RBFOX1: variants seen among roughly 807,000 people sequenced by gnomAD.
RBFOX1 encodes RNA binding fox-1 homolog 1, also known as RNA binding protein fox-1 homolog 1.
RBFOX1 carries 8 observed loss-of-function variants against 57.7 expected under a neutral mutation model. The ratio of observed to expected loss-of-function variants is 0.14; its 90% CI spans 0.08 to 0.25. RBFOX1 has a LOEUF of 0.25. RBFOX1 is among the 10% of genes least tolerant of loss of function. The probability of loss-of-function intolerance (pLI) is 1.00; values close to 1 mark genes in which losing one functional copy is unlikely to be tolerated. For synonymous variants in RBFOX1, 326 were observed against 222.4 expected, an observed-to-expected ratio of 1.47 and a Z score of -4.15; for missense variants, 611 against 548.5, an observed-to-expected ratio of 1.11 and a Z score of -1.14.
chr16:6,560,191 AAAAGTC>A (rs1195611735), intron 2 of RBFOX1, among the ~76,000 whole-genome samples: 1 of 150,932 alleles, frequency 6.6e-6, no homozygotes, highest in Non-Finnish European at 1.5e-5. Flanking sequence ...AAAAAAAAAA[AAAAGTC>A]AAGCCCTCAT....
At chr16:5,888,615 G>A (rs951753031) in intron 4 of RBFOX1, among the ~76,000 whole-genome samples, 2 of 151,968 alleles carry the variant, frequency 1.3e-5, no homozygotes, top group Non-Finnish European at 1.5e-5. Flanking sequence ...GACCAACATG[G>A]GGAAACCTCG....
intron 2 of RBFOX1, among the ~76,000 whole-genome samples, chr16:6,451,868 C>T (rs889594954): frequency 2.0e-5 from 3 of 151,886 alleles, no homozygotes; most frequent in Middle Eastern, 3.4e-3. Flanking sequence ...ATGGCTCCTT[C>T]CTTCCATGAC....
chr16:7,092,991 T>C (rs2061113602), intron 4 of RBFOX1, among the ~76,000 whole-genome samples: 1 of 152,248 alleles, frequency 6.6e-6, no homozygotes, highest in African/African-American at 2.4e-5. Context: ...AAATTGCCTC[T>C]GGCAGTCAAA....
chr16:7,213,383 A>G, intron 4 of RBFOX1, among the ~76,000 whole-genome samples: 1 of 152,198 alleles, frequency 6.6e-6, no homozygotes, highest in East Asian at 1.9e-4. Context: ...TATTTCTTTA[A>G]GTTCCCAGTG....
intron 3 of RBFOX1, among the ~76,000 whole-genome samples, chr16:6,789,315 G>A (rs566762194): frequency 6.6e-6 from 1 of 152,278 alleles, no homozygotes. Context: ...AGTGGTATAA[G>A]ACCTTGTCTT....
intron 8 of RBFOX1, among the ~76,000 whole-genome samples, chr16:7,596,816 G>T (rs958135509): frequency 2.0e-5 from 3 of 152,152 alleles, no homozygotes; most frequent in African/African-American, 7.2e-5. Flanking sequence ...TGACGTTAAA[G>T]CTTGAATGAT....
At chr16:6,004,846 T>G (rs767819718) in intron 4 of RBFOX1, among the ~76,000 whole-genome samples, 4 of 152,190 alleles carry the variant, frequency 2.6e-5, no homozygotes, top group Non-Finnish European at 5.9e-5. Context: ...AGAAACGTAT[T>G]AGACCTTAGG....
intron 3 of RBFOX1, among the ~76,000 whole-genome samples, chr16:6,918,377 A>G (rs1216377135): frequency 6.6e-6 from 1 of 152,112 alleles, no homozygotes; most frequent in Non-Finnish European, 1.5e-5. Context: ...TGAATTTTTA[A>G]CAAGCTACCC....
intron 2 of RBFOX1, among the ~76,000 whole-genome samples, chr16:5,595,908 G>A (rs1036630020): frequency 6.6e-6 from 1 of 152,198 alleles, no homozygotes; most frequent in African/African-American, 2.4e-5. Flanking sequence ...GTATGGAGAG[G>A]TGTAAAAGTG....
At chr16:7,459,362 C>G (rs912958504) in intron 4 of RBFOX1, among the ~76,000 whole-genome samples, 1 of 152,250 alleles carries the variant, frequency 6.6e-6, no homozygotes. Flanking sequence ...CTTGCACTTG[C>G]CATTTTGTAC....
At chr16:5,619,210 A>T (rs985990787) in intron 3 of RBFOX1, among the ~76,000 whole-genome samples, 2 of 151,950 alleles carry the variant, frequency 1.3e-5, no homozygotes, top group African/African-American at 4.8e-5. Flanking sequence ...TGTTGGCCCC[A>T]CTCTCTTCCC....
chr16:6,403,389 A>T (rs2093154764), intron 2 of RBFOX1, among the ~76,000 whole-genome samples: 1 of 151,708 alleles, frequency 6.6e-6, no homozygotes, highest in Non-Finnish European at 1.5e-5. Context: ...TAAATAGAGG[A>T]TTCTACTCCC....
intron 3 of RBFOX1, among the ~76,000 whole-genome samples, chr16:6,693,205 C>G (rs2060487527): frequency 1.3e-5 from 2 of 151,488 alleles, no homozygotes; most frequent in Admixed American, 6.6e-5. Context: ...ACCATCACCA[C>G]CATCATCATC....
intron 3 of RBFOX1, among the ~76,000 whole-genome samples, chr16:6,780,265 TTATACA>T (rs1344514170): frequency 2.5e-5 from 2 of 80,618 alleles, no homozygotes; most frequent in African/African-American, 1.1e-4. Flanking sequence ...ATATATATAT[TTATACA>T]TATATATATT....
In RBFOX1 at chr16:7,044,309, A is replaced by G. The variant is rs192605918; in HGVS notation, c.-15-7748A>G. Among the ~76,000 whole-genome samples the G allele has an allele frequency of 5.3e-5, 8 of 152,348 alleles. No homozygotes were observed. In the East Asian group the frequency reaches 1.3e-3, roughly 26 times the overall value. ...CCTAAGGCTCAGTTCTAGTTCTTGC[A>G]GAGCCAGTCTGATGTGTGGGAGAGA... On this transcript the variant is annotated intron_variant, in intron 3 of 15. Transcript: ENST00000550418.
chr16:5,947,259 C>T lies in RBFOX1; in HGVS notation c.351+79924C>T, dbSNP rs560214475. ...AAGAAAGGCTACTAAGGCTGGAGAG[C>T]ACAGTGGGTAAGGAGGAGGTGGCCA... On this transcript the variant is annotated intron_variant, in intron 4 of 19. Transcript: ENST00000641259. The surrounding 1 kb of genome is among the most constrained non-coding windows in gnomAD (Gnocchi z 7.2). Among the ~76,000 whole-genome samples, 7 of 152,178 alleles carry T rather than the reference C, an allele frequency of 4.6e-5. 1 individual carries two copies. The South Asian group carries it at 1.5e-3, about 32-fold the overall frequency.
intron 5 of RBFOX1, among the ~76,000 whole-genome samples, chr16:7,541,531 A>C (rs964178443): frequency 6.6e-6 from 1 of 152,062 alleles, no homozygotes; most frequent in African/African-American, 2.4e-5. Flanking sequence ...ACAGGATAGG[A>C]AATATATGTC....
chr16:6,914,131 G>C (rs150559565), intron 3 of RBFOX1, among the ~76,000 whole-genome samples: 1 of 152,312 alleles, frequency 6.6e-6, no homozygotes, highest in East Asian at 1.9e-4. Context: ...GCATGCTGCT[G>C]TGAAGGAAAT....
intron 1 of RBFOX1, among the ~76,000 whole-genome samples, chr16:6,215,601 T>C (rs2097330977): frequency 6.6e-6 from 1 of 152,154 alleles, no homozygotes; most frequent in African/African-American, 2.4e-5. Flanking sequence ...TGCATTCCTT[T>C]CTTTTCTTCT....
Sources: gnomAD v4.1 joint callset for allele counts (sites outside exome capture counted in the v4.1 genomes callset) on GRCh38, gnomAD v4.1.1 for gene constraint, Gnocchi (gnomAD v3.1) non-coding constraint, MANE v1.5 for transcripts, NCBI Gene and HGNC (gene_info 2026-07-23, HGNC 2026-07-21) for gene names.